Variants in FRMPD4 observed in about 807,000 individuals in gnomAD.
FRMPD4 encodes the protein FERM and PDZ domain-containing protein 4.
Under a neutral mutation model 94.1 loss-of-function variants are expected in FRMPD4, and 22 were observed. The observed-to-expected ratio is 0.23, with a 90% CI of 0.17 to 0.33. The LOEUF is 0.33. Among genes scored for constraint, FRMPD4 ranks in the 10% least tolerant of loss-of-function variants. The pLI is 1.00. For synonymous variants in FRMPD4, 631 were observed against 548.6 expected (o/e 1.15, Z -2.10); for missense variants, 1,111 against 1,339.9 (o/e 0.83, Z 2.67).
chrX:12,265,291 C>A (rs185922890), intron 1 of FRMPD4, among the ~76,000 whole-genome samples: 24 of 112,311 alleles, frequency 2.1e-4, no homozygotes, highest in African/African-American at 7.8e-4. Context: ...GATTTTGATG[C>A]TGCGGTTTGC....
intron 1 of FRMPD4, among the ~76,000 whole-genome samples, chrX:11,864,215 G>C (rs2053705516): frequency 1.8e-5 from 2 of 109,707 alleles, no homozygotes; most frequent in African/African-American, 6.6e-5. Flanking sequence ...ACATCTACGG[G>C]AATAACTGAA....
chrX:12,307,811 C>T (rs1409255800), intron 1 of FRMPD4, among the ~76,000 whole-genome samples: 2 of 111,746 alleles, frequency 1.8e-5, no homozygotes, highest in African/African-American at 6.5e-5. Flanking sequence ...TGAGCATAAG[C>T]AGGAGACAAA....
intron 2 of FRMPD4, among the ~76,000 whole-genome samples, chrX:12,532,522 C>A (rs2058296097): frequency 8.9e-6 from 1 of 111,900 alleles, no homozygotes; most frequent in African/African-American, 3.2e-5. Flanking sequence ...GTATCTGTGA[C>A]TTGGTTACCG....
chrX:12,491,208 AAAGT>A (rs2057789819), intron 1 of FRMPD4, among the ~76,000 whole-genome samples: 1 of 111,881 alleles, frequency 8.9e-6, no homozygotes, highest in Non-Finnish European at 1.9e-5. Context: ...CCTAAGTATG[AAAGT>A]AATATATATT....
intron 3 of FRMPD4, among the ~76,000 whole-genome samples, chrX:12,056,219 G>A (rs888448589): frequency 1.8e-5 from 2 of 111,807 alleles, no homozygotes; most frequent in Non-Finnish European, 3.8e-5. Flanking sequence ...AGGAGAAAAG[G>A]CATACAAATT....
chrX:12,198,471 G>A (rs1209580177), intron 1 of FRMPD4, among the ~76,000 whole-genome samples: 2 of 112,045 alleles, frequency 1.8e-5, no homozygotes, highest in African/African-American at 6.5e-5. Context: ...AATCCCAGGT[G>A]AGTCTTGTGC....
At chrX:12,366,966 G>A (rs79553280) in intron 1 of FRMPD4, among the ~76,000 whole-genome samples, 20 of 110,836 alleles carry the variant, frequency 1.8e-4, no homozygotes, top group South Asian at 1.6e-3. Context: ...TGCTGCCTGC[G>A]GTGATGGCCA....
At chrX:12,032,198 T>C (rs1330366096) in intron 3 of FRMPD4, among the ~76,000 whole-genome samples, 2 of 112,066 alleles carry the variant, frequency 1.8e-5, no homozygotes, top group East Asian at 2.8e-4. Context: ...ATCATCATCA[T>C]ACAGTACTTG....
Position 12,388,818 on chromosome X carries a change from GATATATAT to G in FRMPD4, c.42-109836_42-109829del, listed in dbSNP as rs3068660. 3.9e-3 allele frequency among the ~76,000 whole-genome samples: 239 copies of G among 60,724 alleles called. 4 individuals are homozygous for G. Among genetic ancestry groups the G allele is most frequent in the Middle Eastern group, 8.5e-3 (1 of 117 alleles). The allele number at this position is 60,724 out of a possible 115,157, so 52.7% of individuals were successfully genotyped here. On this transcript the variant is annotated intron_variant, in intron 1 of 16. Transcript: ENST00000675598. ...ACGGATGAATGGATAAAGAAAATGT[GATATATAT>G]ATATATATATATATATATATATATA...
chrX:12,222,302 C>T (rs140323521), intron 1 of FRMPD4, among the ~76,000 whole-genome samples: 2,405 of 111,982 alleles, frequency 0.021, 27 homozygotes, highest in Non-Finnish European at 0.031. Context: ...GCATACATTG[C>T]GTTTTATATT....
At chrX:11,864,341 A>C (rs1157052657) in intron 1 of FRMPD4, among the ~76,000 whole-genome samples, 1 of 109,775 alleles carries the variant, frequency 9.1e-6, no homozygotes, top group African/African-American at 3.3e-5. Context: ...TGGCAGCACT[A>C]AAGGAGTGGT....
intron 1 of FRMPD4, among the ~76,000 whole-genome samples, chrX:11,849,177 G>A (rs1398034812): frequency 9.0e-6 from 1 of 111,046 alleles, no homozygotes; most frequent in Non-Finnish European, 1.9e-5. Flanking sequence ...ACCTGAAAAG[G>A]AAATTTAGAA....
rs1483250337 is a variant in FRMPD4 at position 12,716,884 on chromosome X, G to A, written c.2425G>A (p.Ala809Thr). The change falls in exon 15 of 17, where the codon GCA becomes ACA. Residue 809 changes from alanine (A) to threonine (T), a missense_variant. Transcript: ENST00000675598. Reference sequence around the variant, plus strand: ...GCGTTCCTTGAACATGGCCATTGCCGCACCCCCACCTGGCTTTAGAGACAG... The same window carrying A: ...GCGTTCCTTGAACATGGCCATTGCCACACCCCCACCTGGCTTTAGAGACAG... ...LLRSLNMAIA[A>T]PPPGFRDSSD... The A allele has an allele frequency of 1.7e-6, 2 of 1,210,846 alleles. No individual in the cohort carries two copies. Among genetic ancestry groups the A allele is most frequent in the Non-Finnish European group, 2.2e-6 (2 of 894,643 alleles).
At position 12,718,723 on chromosome X, in the gene FRMPD4, C is replaced by T; in HGVS notation, c.3897C>T (p.Asn1299=). 8.3e-7 allele frequency: 1 copy of T among 1,209,618 alleles called. No individual in the cohort carries two copies. ...TGCCTGCTCTGCACACAGCCATTAA[C>T]ACCGAACCCCTGTTTGGCACATTGA... ...MTVPALHTAI[N]TEPLFGTLRD... Residue 1299 remains asparagine (N), a synonymous_variant, in exon 16 of 17, where the codon AAC becomes AAT. Coordinates refer to ENST00000675598, the MANE Select transcript of FRMPD4 (RefSeq NM_001368397.1).
intron 2 of FRMPD4, among the ~76,000 whole-genome samples, chrX:12,533,454 G>C (rs2058306164): frequency 8.9e-6 from 1 of 112,005 alleles, no homozygotes. Context: ...TTTGGAACTG[G>C]GTAACGGGCA....
chrX:12,356,845 G>T (rs1334989007), intron 1 of FRMPD4, among the ~76,000 whole-genome samples: 1 of 111,728 alleles, frequency 9.0e-6, no homozygotes, highest in Admixed American at 9.5e-5. Context: ...AGTAGGTTCT[G>T]TCTGACAAGG....
chrX:12,300,074 G>T (rs759144606), intron 1 of FRMPD4, among the ~76,000 whole-genome samples: 4 of 111,873 alleles, frequency 3.6e-5, no homozygotes, highest in Non-Finnish European at 7.5e-5. Context: ...ACTTGCTGTT[G>T]GTAGAGTGGC....
At chrX:12,308,721 A>T (rs1166643524) in intron 1 of FRMPD4, among the ~76,000 whole-genome samples, 1 of 111,939 alleles carries the variant, frequency 8.9e-6, no homozygotes, top group Non-Finnish European at 1.9e-5. Context: ...TGCACTCTTC[A>T]GAGCAGTGCC....
At chrX:12,388,818 GATATATATATATAT>G (rs3068660) in intron 1 of FRMPD4, among the ~76,000 whole-genome samples, 2 of 60,729 alleles carry the variant, frequency 3.3e-5, no homozygotes, top group Admixed American at 2.0e-4. Context: ...AAGAAAATGT[GATATATATATATAT>G]ATATATATAT....
Sources: allele counts gnomAD v4.1 joint callset (sites outside exome capture counted in the v4.1 genomes callset), GRCh38; gene constraint gnomAD v4.1.1; transcripts MANE v1.5; gene names NCBI Gene and HGNC (gene_info 2026-07-23, HGNC 2026-07-21).